The following TAF15 variants were observed in gnomAD, a reference collection of about 807,000 sequenced individuals.
The protein encoded by TAF15 is TATA-box binding protein associated factor 15, also known as TATA-binding protein-associated factor 2N.
TAF15 carries 37 observed loss-of-function variants against 102.5 expected under a neutral mutation model. That is an observed-to-expected ratio of 0.36 (90% confidence interval 0.28 to 0.47). TAF15 has a LOEUF of 0.47. Ranked by LOEUF, TAF15 falls within the 20% of genes least tolerant of loss-of-function variation. The probability of loss-of-function intolerance (pLI) is 0.99; values close to 1 mark genes in which losing one functional copy is unlikely to be tolerated. For synonymous variants in TAF15, 273 were observed against 259.2 expected, an observed-to-expected ratio of 1.05 and a Z score of -0.51; for missense variants, 652 against 760.7, an observed-to-expected ratio of 0.86 and a Z score of 1.68.
chr17:35,829,021 A>AT (rs2087365472), intron 7 of TAF15, among the ~76,000 whole-genome samples: 1 of 152,192 alleles, frequency 6.6e-6, no homozygotes. Flanking sequence ...CATGTAAGAC[A>AT]TAGGAGGAAA....
intron 11 of TAF15, among the ~76,000 whole-genome samples, chr17:35,841,326 C>T (rs895124320): frequency 6.6e-6 from 1 of 152,126 alleles, no homozygotes; most frequent in Non-Finnish European, 1.5e-5. Context: ...GTACATGTTA[C>T]TGCACTTGCG....
At chr17:35,819,579 TTAAC>T (rs1372166130) in intron 2 of TAF15, among the ~76,000 whole-genome samples, 2 of 152,178 alleles carry the variant, frequency 1.3e-5, no homozygotes, top group African/African-American at 4.8e-5. Context: ...TTAAAGCCAT[TTAAC>T]TAAGGCAAAT....
chr17:35,826,980 A>C (rs2087338322), intron 7 of TAF15, among the ~76,000 whole-genome samples: 1 of 151,826 alleles, frequency 6.6e-6, no homozygotes, highest in African/African-American at 2.4e-5. Context: ...TTGAATATAG[A>C]TGCCCTGTTT....
intron 1 of TAF15, chr17:35,816,695 A>G (rs1347692095): frequency 6.6e-6 from 1 of 152,294 alleles, no homozygotes. Context: ...GTAAAGCCTG[A>G]AGGATAGATA....
At chr17:35,844,195 G>C in intron 13 of TAF15, 37 bp downstream of exon 13, 1 of 1,612,768 alleles carries the variant, frequency 6.2e-7, no homozygotes, top group Non-Finnish European at 8.5e-7. Flanking sequence ...AGTAGGGGTT[G>C]GGATTGGGGC....
chr17:35,817,503 A>G (rs969183985), intron 1 of TAF15, among the ~76,000 whole-genome samples: 2 of 152,226 alleles, frequency 1.3e-5, no homozygotes, highest in Admixed American at 6.5e-5. Context: ...ACCCTAGCAC[A>G]CATGTAGAAT....
intron 7 of TAF15, among the ~76,000 whole-genome samples, chr17:35,830,861 A>G (rs910265424): frequency 6.6e-6 from 1 of 152,208 alleles, no homozygotes; most frequent in Non-Finnish European, 1.5e-5. Context: ...CTTCCAGGCT[A>G]TGCTTACGCT....
chr17:35,824,407 G>T (rs911596116), intron 7 of TAF15: 20 of 615,878 alleles, frequency 3.2e-5, no homozygotes, highest in Non-Finnish European at 2.7e-6. Context: ...TATGTTAGTA[G>T]TTAGTTTATG....
At chr17:35,830,650 GA>G (rs1344169420) in intron 7 of TAF15, among the ~76,000 whole-genome samples, 51 of 152,166 alleles carry the variant, frequency 3.4e-4, no homozygotes, top group South Asian at 2.1e-4. Flanking sequence ...TTTCTAATAA[GA>G]AGAGAGAAAA....
intron 1 of TAF15, chr17:35,811,684 T>C (rs1395235115): frequency 6.6e-6 from 1 of 152,176 alleles, no homozygotes; most frequent in Non-Finnish European, 1.5e-5. Context: ...AAAAACCTAA[T>C]AAAGTATAAG....
At chr17:35,842,982 G>T (rs2087565842) in intron 12 of TAF15, among the ~76,000 whole-genome samples, 1 of 152,018 alleles carries the variant, frequency 6.6e-6, no homozygotes, top group African/African-American at 2.4e-5. Context: ...AGCCACCTTG[G>T]CCTTCCAAAG....
chr17:35,824,303 G>T, intron 7 of TAF15, 105 bp downstream of exon 7: 2 of 1,467,010 alleles, frequency 1.4e-6, no homozygotes, highest in Non-Finnish European at 1.8e-6. Flanking sequence ...TTAGTTAAGA[G>T]ACTTTAAAAA....
Position 35,844,546 on chromosome 17 carries a change from G to T in TAF15, c.1247G>T (p.Gly416Val). Reference protein sequence around the residue: ...RGRGGRGGDRGGYGGDRSGGG... With the variant: ...RGRGGRGGDRVGYGGDRSGGG... ...CGTGGGGGCAGAGGTGGAGACCGAGGCGGCTATGGTGGAGACAGAAGTGGG... is the reference window on the plus strand; with the variant it reads ...CGTGGGGGCAGAGGTGGAGACCGAGTCGGCTATGGTGGAGACAGAAGTGGG... Residue 416 changes from glycine to valine, a missense_variant, in exon 15 of 16, where the codon GGC becomes GTC. Gly to Val is a moderately radical substitution (Grantham distance 109). This residue lies in a region of TAF15 where 368 missense variants were observed against 367.5 expected (regional missense o/e 1.00). Transcript: ENST00000605844. The T allele has an allele frequency of 6.2e-7, 1 of 1,610,110 alleles. No individual in the cohort carries two copies.
intron 10 of TAF15, among the ~76,000 whole-genome samples, chr17:35,837,967 C>A (rs1424552431): frequency 6.6e-6 from 1 of 151,466 alleles, no homozygotes; most frequent in South Asian, 2.1e-4. Context: ...GCAGGAGGAT[C>A]GCTTGAGGCC....
chr17:35,846,922 G>A lies in TAF15; in HGVS notation c.1756G>A (p.Asp586Asn), dbSNP rs1194845891. Residue 586 changes from aspartate to asparagine, a missense_variant, in exon 16 of 16, where the codon GAT (aspartate) becomes AAT (asparagine). By Grantham distance (23) the Asp-to-Asn change is conservative. Around this residue, in one of 3 missense-constraint regions of TAF15, gnomAD observed 368 missense variants for 367.5 expected, o/e 1.00. Transcript: ENST00000605844. ...CATTCCTAGAAACGACTACAGAAAT[G>A]ATCAGCGCAACCGACCATACTGATG... Reference protein sequence around the residue: ...KMGGRNDYRNDQRNRPY With the variant: ...KMGGRNDYRNNQRNRPY 2.5e-6 allele frequency: 4 copies of A among 1,614,052 alleles called. No individual in the cohort carries two copies. Among genetic ancestry groups the A allele is most frequent in the Admixed American group, 1.7e-5 (1 of 60,000 alleles).
chr17:35,842,621 G>A (rs1339567372), intron 12 of TAF15, among the ~76,000 whole-genome samples, 162 bp downstream of exon 12: 2 of 152,160 alleles, frequency 1.3e-5, no homozygotes, highest in Non-Finnish European at 2.9e-5. Flanking sequence ...TTAGGTAAAT[G>A]AGATATCGTA....
At chr17:35,820,742 T>C (rs2087248554) in intron 5 of TAF15, among the ~76,000 whole-genome samples, 1 of 152,172 alleles carries the variant, frequency 6.6e-6, no homozygotes, top group Non-Finnish European at 1.5e-5. Context: ...AATTAAGACT[T>C]CTCAACATCT....
At chr17:35,843,338 G>A (rs2087570693) in intron 12 of TAF15, among the ~76,000 whole-genome samples, 2 of 152,052 alleles carry the variant, frequency 1.3e-5, no homozygotes, top group South Asian at 4.1e-4. Flanking sequence ...TGGTCAGGCT[G>A]GTCTCGAACT....
rs564674202 is a variant in TAF15 at position 35,837,670 on chromosome 17, A to G, written c.784-754A>G. Among the ~76,000 whole-genome samples the G allele has an allele frequency of 2.6e-5, 4 of 152,046 alleles. No individual in the cohort carries two copies. In the East Asian group the frequency reaches 7.8e-4, roughly 30 times the overall value. On this transcript the variant is annotated intron_variant, in intron 10 of 15. Transcript: ENST00000605844. ...ATGAAACCCTGTCTCTACTGAAAAT[A>G]CAAGAAATTAGATGGGCGTGGTGGC...
Sources: allele counts gnomAD v4.1 joint callset (sites outside exome capture counted in the v4.1 genomes callset), GRCh38; gene constraint gnomAD v4.1.1; regional missense constraint gnomAD v4.1.1; transcripts MANE v1.5; gene names NCBI Gene and HGNC (gene_info 2026-07-23, HGNC 2026-07-21).